The following FUT9 variants were observed in gnomAD, a reference collection of about 807,000 sequenced individuals.
The protein encoded by FUT9 is fucosyltransferase 9.
Under a neutral mutation model 29.7 loss-of-function variants are expected in FUT9, and 15 were observed. That is an observed-to-expected ratio of 0.51 (90% CI 0.34 to 0.78). The LOEUF (loss-of-function observed/expected upper bound fraction) is 0.78. FUT9 is among the 30% of genes least tolerant of loss of function. The pLI is 0.01. For synonymous variants in FUT9, 169 were observed against 153.7 expected, an observed-to-expected ratio of 1.10 and a Z score of -0.74; for missense variants, 319 against 425.4, an observed-to-expected ratio of 0.75 and a Z score of 2.20.
chr6:96,176,327 T>C (rs1773203867), intron 2 of FUT9, among the ~76,000 whole-genome samples: 1 of 151,608 alleles, frequency 6.6e-6, no homozygotes, highest in Admixed American at 6.6e-5. Context: ...GTATTTGAAA[T>C]ATTTTATATC....
intron 1 of FUT9, among the ~76,000 whole-genome samples, chr6:96,099,247 G>A (rs562328344): frequency 6.6e-6 from 1 of 151,998 alleles, no homozygotes; most frequent in Non-Finnish European, 1.5e-5. Context: ...TCATTTCTTT[G>A]TGCCTCACTT....
intron 1 of FUT9, among the ~76,000 whole-genome samples, chr6:96,064,375 G>A (rs1207026270): frequency 3.3e-5 from 5 of 152,076 alleles, no homozygotes; most frequent in Admixed American, 3.3e-4. Flanking sequence ...AAAATGATGT[G>A]TTTTCTTTGA....
intron 2 of FUT9, among the ~76,000 whole-genome samples, chr6:96,123,232 G>A (rs1192255105): frequency 6.6e-6 from 1 of 152,020 alleles, no homozygotes; most frequent in Non-Finnish European, 1.5e-5. Flanking sequence ...TCTTTCTGAG[G>A]CTGTTGAACG....
At chr6:96,034,030 A>T (rs1582182874) in intron 1 of FUT9, among the ~76,000 whole-genome samples, 2 of 151,660 alleles carry the variant, frequency 1.3e-5, no homozygotes, top group African/African-American at 4.8e-5. Context: ...CCATAGGACA[A>T]ACAAGAAGAC....
rs9373717 is a variant in FUT9 at position 96,206,929 on chromosome 6, A to C, written c.*2694A>C. On this transcript the variant is annotated 3_prime_UTR_variant, in exon 3 of 3. Transcript: ENST00000302103. Reference sequence around the variant, plus strand: ...GTAGGCTCTTTGTTGGACTATGACTATAATCACACACTGATAATATGACGC... The same window carrying C: ...GTAGGCTCTTTGTTGGACTATGACTCTAATCACACACTGATAATATGACGC... The C allele has an allele frequency of 0.92, 153,660 of 166,952 alleles. 72,118 individuals carry two copies. Among genetic ancestry groups the C allele is most frequent in the Non-Finnish European group, 1 (67,975 of 68,104 alleles). 10.3% of individuals were successfully genotyped at this position (166,952 alleles called of 1,614,324 possible).
At chr6:96,139,322 C>T (rs574498984) in intron 2 of FUT9, among the ~76,000 whole-genome samples, 20 of 152,186 alleles carry the variant, frequency 1.3e-4, no homozygotes, top group East Asian at 1.9e-4. Context: ...TGAGTTCCCA[C>T]GGTCTTGGGA....
intron 1 of FUT9, among the ~76,000 whole-genome samples, chr6:96,085,062 C>T (rs1771293016): frequency 6.6e-6 from 1 of 152,102 alleles, no homozygotes; most frequent in African/African-American, 2.4e-5. Context: ...CTCCACAGAA[C>T]ATATTCGCAT....
intron 2 of FUT9, among the ~76,000 whole-genome samples, chr6:96,169,293 A>G (rs527497139): frequency 7.2e-5 from 11 of 152,266 alleles, no homozygotes; most frequent in Non-Finnish European, 1.3e-4. Flanking sequence ...TGTATTTTAC[A>G]TTCATTTCCC....
intron 2 of FUT9, among the ~76,000 whole-genome samples, chr6:96,172,322 T>C (rs933251156): frequency 2.0e-5 from 3 of 152,318 alleles, no homozygotes; most frequent in African/African-American, 7.2e-5. Context: ...GTGAGCTAAC[T>C]TGAATGAAAA....
chr6:96,207,407 G>A lies in FUT9; in HGVS notation c.*3172G>A, dbSNP rs553496111. The A allele has an allele frequency of 1.1e-4, 18 of 167,048 alleles. No homozygotes were observed. Among genetic ancestry groups the A allele is most frequent in the African/African-American group, 4.3e-4 (18 of 41,522 alleles). 10.3% of individuals were successfully genotyped at this position (167,048 alleles called of 1,614,324 possible). ...TGGTATTTTTAGGGCCTATAGAATG[G>A]TACACCTCATGTAGAAGAACTTCGA... On this transcript the variant is annotated 3_prime_UTR_variant, in exon 3 of 3. Transcript: ENST00000302103.
chr6:96,119,429 T>G (rs146619738), intron 2 of FUT9, among the ~76,000 whole-genome samples: 2 of 152,208 alleles, frequency 1.3e-5, no homozygotes, highest in Non-Finnish European at 2.9e-5. Flanking sequence ...GTAAGTCCAC[T>G]CTCTGATGTT....
chr6:96,051,571 T>G (rs1016540474), intron 1 of FUT9, among the ~76,000 whole-genome samples: 3 of 152,022 alleles, frequency 2.0e-5, no homozygotes, highest in African/African-American at 4.8e-5. Context: ...GAGGATTGTT[T>G]GAGCCCAGGA....
At chr6:96,173,881 G>A (rs1773157664) in intron 2 of FUT9, among the ~76,000 whole-genome samples, 1 of 151,804 alleles carries the variant, frequency 6.6e-6, no homozygotes. Context: ...CCATATTGTT[G>A]TCATTAAAAT....
At chr6:96,162,363 A>G (rs1772928279) in intron 2 of FUT9, among the ~76,000 whole-genome samples, 1 of 152,160 alleles carries the variant, frequency 6.6e-6, no homozygotes, top group Non-Finnish European at 1.5e-5. Flanking sequence ...ATCACTTCAA[A>G]TACACACTCA....
intron 1 of FUT9, among the ~76,000 whole-genome samples, chr6:96,033,359 C>G (rs955027824): frequency 7.3e-5 from 11 of 151,462 alleles, no homozygotes; most frequent in Non-Finnish European, 1.5e-4. Context: ...AGCTGCTAAA[C>G]AGTTAGTGTA....
rs565855658 is a variant in FUT9, at chr6:96,075,841, T to TA, written c.-97-38197dup. Among the ~76,000 whole-genome samples the TA allele has an allele frequency of 3.0e-3, 463 of 152,300 alleles. 1 individual carries two copies. The highest frequency in any genetic ancestry group is 0.01 in the African/African-American group (434 of 41,570). ...CTGTAGGATTCTAAAGTTTAATACA[T>TA]ACATAAGTAAAAGAATGACATTTCT... On this transcript the variant is annotated intron_variant, in intron 1 of 2. Transcript: ENST00000302103.
chr6:96,051,707 G>A (rs908260982), intron 1 of FUT9, among the ~76,000 whole-genome samples: 1 of 151,658 alleles, frequency 6.6e-6, no homozygotes, highest in African/African-American at 2.4e-5. Context: ...TTGGTAAACT[G>A]GAAATTTGCA....
intron 2 of FUT9, among the ~76,000 whole-genome samples, chr6:96,175,921 G>A (rs529023530): frequency 3.3e-5 from 5 of 152,224 alleles, no homozygotes; most frequent in Non-Finnish European, 7.3e-5. Context: ...CAGTAAGGAA[G>A]ATCTGCTCTC....
At chr6:96,063,268 T>C (rs921375830) in intron 1 of FUT9, among the ~76,000 whole-genome samples, 1 of 152,074 alleles carries the variant, frequency 6.6e-6, no homozygotes, top group Non-Finnish European at 1.5e-5. Flanking sequence ...AGAAAATAGG[T>C]TTAATTGGCT....
Sources: allele counts gnomAD v4.1 joint callset (sites outside exome capture counted in the v4.1 genomes callset), GRCh38; gene constraint gnomAD v4.1.1; transcripts MANE v1.5; gene names NCBI Gene and HGNC (gene_info 2026-07-23, HGNC 2026-07-21).